LHFPL3: variants seen among roughly 807,000 people sequenced by gnomAD.
The protein encoded by LHFPL3 is LHFPL tetraspan subfamily member 3, also known as LHFPL tetraspan subfamily member 3 protein.
In LHFPL3, 5 loss-of-function variants were observed where a neutral mutation model predicts 19.3. The observed-to-expected ratio is 0.26, with a 90% CI of 0.14 to 0.54. The LOEUF is 0.54. LHFPL3 is among the 20% of genes least tolerant of loss of function. The pLI, the probability that LHFPL3 is intolerant of heterozygous loss-of-function variation, is 0.94. For synonymous variants in LHFPL3, 133 were observed against 126.2 expected (o/e 1.05, Z -0.36); for missense variants, 249 against 307.4 (o/e 0.81, Z 1.42).
chr7:104,587,602 C>A (rs1241856130), intron 1 of LHFPL3, among the ~76,000 whole-genome samples: 1 of 152,086 alleles, frequency 6.6e-6, no homozygotes, highest in East Asian at 1.9e-4. Context: ...GTCTTTATAG[C>A]AGCATGATTT....
At chr7:104,346,336 GTT>G (rs766835972) in intron 1 of LHFPL3, among the ~76,000 whole-genome samples, 1 of 140,340 alleles carries the variant, frequency 7.1e-6, no homozygotes. Flanking sequence ...AGTTATCAGG[GTT>G]TTTTTTTTTT....
chr7:104,500,168 C>T (rs899054539), intron 1 of LHFPL3, among the ~76,000 whole-genome samples: 21 of 152,150 alleles, frequency 1.4e-4, no homozygotes, highest in African/African-American at 5.1e-4. Flanking sequence ...CTAAGCCTTT[C>T]GTTTTAATAG....
intron 1 of LHFPL3, among the ~76,000 whole-genome samples, chr7:104,711,515 G>A (rs927882611): frequency 6.6e-5 from 10 of 152,192 alleles, no homozygotes; most frequent in South Asian, 2.1e-4. Context: ...AGTGGATTGC[G>A]TCCTGCAGTA....
chr7:104,541,061 C>T (rs1474045716), intron 1 of LHFPL3, among the ~76,000 whole-genome samples: 2 of 151,036 alleles, frequency 1.3e-5, no homozygotes, highest in Non-Finnish European at 2.9e-5. Context: ...TCCTCTACTT[C>T]ATTATGCTTC....
intron 1 of LHFPL3, among the ~76,000 whole-genome samples, chr7:104,497,500 A>T (rs545380380): frequency 2.0e-5 from 3 of 152,098 alleles, no homozygotes; most frequent in Non-Finnish European, 4.4e-5. Flanking sequence ...CTTTGTCTTC[A>T]TCTGAGAGCT....
At chr7:104,825,625 A>T (rs1454297524) in intron 2 of LHFPL3, among the ~76,000 whole-genome samples, 5 of 151,912 alleles carry the variant, frequency 3.3e-5, no homozygotes, top group African/African-American at 1.2e-4. Flanking sequence ...AGTAGAGTTG[A>T]TTTTCCTTCA....
chr7:104,721,410 G>C (rs1460157916), intron 1 of LHFPL3, among the ~76,000 whole-genome samples: 1 of 152,056 alleles, frequency 6.6e-6, no homozygotes, highest in South Asian at 2.1e-4. Flanking sequence ...GCTAGGGGAG[G>C]GATAGCATTA....
At chr7:104,545,250 G>C (rs1218603871) in intron 1 of LHFPL3, among the ~76,000 whole-genome samples, 1 of 152,110 alleles carries the variant, frequency 6.6e-6, no homozygotes, top group African/African-American at 2.4e-5. Flanking sequence ...AGACAGGAAG[G>C]CCAAATTATC....
intron 1 of LHFPL3, among the ~76,000 whole-genome samples, chr7:104,592,945 C>A (rs1406035525): frequency 6.6e-6 from 1 of 152,138 alleles, no homozygotes; most frequent in Non-Finnish European, 1.5e-5. Flanking sequence ...TTGCTAAGAC[C>A]ATTGTAAAAG....
At chr7:104,479,670 G>T (rs1330579379) in intron 1 of LHFPL3, among the ~76,000 whole-genome samples, 49 of 152,134 alleles carry the variant, frequency 3.2e-4, no homozygotes, top group Non-Finnish European at 5.9e-5. Flanking sequence ...GGGATTACAG[G>T]CATGAGCCAC....
chr7:104,738,461 T>G (rs1378311073), intron 2 of LHFPL3: 1 of 152,198 alleles, frequency 6.6e-6, no homozygotes, highest in Non-Finnish European at 1.5e-5. Context: ...TTCTGCAGAT[T>G]ATGATTTTTG....
rs117106851 is a variant in LHFPL3 at position 104,574,041 on chromosome 7, G to A, written c.446-162634G>A. ...CTTGGAAATATTTACTGCTAAATCC[G>A]ATCTCTTGATTGTGTCCAAGTAATA... On this transcript the variant is annotated intron_variant, in intron 1 of 2. Coordinates refer to ENST00000424859, the MANE Select transcript of LHFPL3 (RefSeq NM_199000.3). Among the ~76,000 whole-genome samples, 305 of 152,272 alleles carry A rather than the reference G, an allele frequency of 2.0e-3. 8 individuals carry two copies. The East Asian group carries it at 0.052, about 26-fold the overall frequency.
intron 2 of LHFPL3, among the ~76,000 whole-genome samples, chr7:104,747,996 T>A (rs1794083180): frequency 6.6e-6 from 1 of 152,140 alleles, no homozygotes; most frequent in South Asian, 2.1e-4. Context: ...GACTCCATTT[T>A]GTTCTGTACT....
At chr7:104,433,655 C>CTT (rs1406854188) in intron 1 of LHFPL3, among the ~76,000 whole-genome samples, 2 of 152,198 alleles carry the variant, frequency 1.3e-5, no homozygotes, top group African/African-American at 2.4e-5. Flanking sequence ...ATTGCACTTG[C>CTT]TTTTCTCTTG....
chr7:104,534,227 C>A (rs750055317), intron 1 of LHFPL3, among the ~76,000 whole-genome samples: 8 of 152,140 alleles, frequency 5.3e-5, no homozygotes, highest in Non-Finnish European at 1.2e-4. Flanking sequence ...TATCTGCAAC[C>A]CTGATCTCTC....
At chr7:104,502,802 T>C (rs952080551) in intron 1 of LHFPL3, among the ~76,000 whole-genome samples, 4 of 152,232 alleles carry the variant, frequency 2.6e-5, no homozygotes, top group South Asian at 2.1e-4. Context: ...AGTATTCTTA[T>C]TGTTTACACA....
At chr7:104,807,004 AAT>A (rs200659805) in intron 2 of LHFPL3, among the ~76,000 whole-genome samples, 3 of 124,022 alleles carry the variant, frequency 2.4e-5, no homozygotes, top group South Asian at 2.8e-4. Context: ...GCCCCACCAA[AAT>A]ATATATGTGT....
chr7:104,753,278 C>T (rs1018238507), intron 2 of LHFPL3, among the ~76,000 whole-genome samples: 1 of 152,128 alleles, frequency 6.6e-6, no homozygotes, highest in African/African-American at 2.4e-5. Flanking sequence ...AAATTGATGT[C>T]TTGGAACTCA....
intron 2 of LHFPL3, among the ~76,000 whole-genome samples, chr7:104,766,297 G>T (rs1221033005): frequency 1.3e-5 from 2 of 152,176 alleles, no homozygotes; most frequent in Non-Finnish European, 1.5e-5. Flanking sequence ...GCAAGGCTTT[G>T]GTAGAGGCCA....
Sources: gnomAD v4.1 joint callset for allele counts (sites outside exome capture counted in the v4.1 genomes callset) on GRCh38, gnomAD v4.1.1 for gene constraint, MANE v1.5 for transcripts, NCBI Gene and HGNC (gene_info 2026-07-23, HGNC 2026-07-21) for gene names.